The following TSHZ3 variants were observed in gnomAD, a reference collection of about 807,000 sequenced individuals.
The protein encoded by TSHZ3 is teashirt zinc finger homeobox 3, also known as teashirt homolog 3.
A neutral mutation model predicts 64.5 loss-of-function variants in TSHZ3; 10 were observed. The observed-to-expected ratio is 0.16, with a 90% CI of 0.10 to 0.26. The LOEUF is 0.26. Among genes scored for constraint, TSHZ3 ranks in the 10% least tolerant of loss-of-function variants. The pLI, the probability that TSHZ3 is intolerant of heterozygous loss-of-function variation, is 1.00. For synonymous variants in TSHZ3, 608 were observed against 593.1 expected, an observed-to-expected ratio of 1.03 and a Z score of -0.36; for missense variants, 1,242 against 1,421.7, an observed-to-expected ratio of 0.87 and a Z score of 2.03.
At chr19:31,326,913 A>C (rs992492172) in intron 1 of TSHZ3, among the ~76,000 whole-genome samples, 1 of 152,234 alleles carries the variant, frequency 6.6e-6, no homozygotes. Context: ...CCAGTGTGCC[A>C]GTGTGCACAG....
chr19:31,236,424 C>T (rs1351473792), intron 3 of TSHZ3, among the ~76,000 whole-genome samples: 1 of 152,056 alleles, frequency 6.6e-6, no homozygotes, highest in African/African-American at 2.4e-5. Flanking sequence ...ACCTGTTGGC[C>T]CTTTGTATGT....
chr19:31,183,594 G>A (rs988886846), intron 5 of TSHZ3, among the ~76,000 whole-genome samples: 3 of 152,154 alleles, frequency 2.0e-5, no homozygotes, highest in Non-Finnish European at 2.9e-5. Context: ...AAGCAGGTTG[G>A]GAACCAGGTG....
At chr19:31,332,584 C>G (rs1917126626) in intron 1 of TSHZ3, among the ~76,000 whole-genome samples, 1 of 152,110 alleles carries the variant, frequency 6.6e-6, no homozygotes, top group African/African-American at 2.4e-5. Context: ...GGGCCATCAC[C>G]CATCCCTACT....
intron 1 of TSHZ3, among the ~76,000 whole-genome samples, chr19:31,259,126 G>A (rs988273192): frequency 6.6e-6 from 1 of 152,156 alleles, no homozygotes; most frequent in African/African-American, 2.4e-5. Flanking sequence ...GCAGTAAAGT[G>A]GTGTTATAAA....
At chr19:31,175,881 G>T (rs537857796) in intron 5 of TSHZ3, among the ~76,000 whole-genome samples, 19 of 152,362 alleles carry the variant, frequency 1.2e-4, no homozygotes, top group African/African-American at 4.6e-4. Context: ...CCGCATCTCT[G>T]CCCAGTACTT....
At chr19:31,297,425 T>TG (rs1488430376) in intron 1 of TSHZ3, among the ~76,000 whole-genome samples, 1 of 151,790 alleles carries the variant, frequency 6.6e-6, no homozygotes, top group Non-Finnish European at 1.5e-5. Flanking sequence ...CCTGTCTCTT[T>TG]TTTTTGCCCA....
intron 1 of TSHZ3, among the ~76,000 whole-genome samples, chr19:31,328,278 G>T (rs1916983860): frequency 1.3e-5 from 2 of 152,252 alleles, no homozygotes; most frequent in South Asian, 4.1e-4. Flanking sequence ...GTCCACCTGA[G>T]GGGAAGACCA....
At chr19:31,330,842 G>A (rs1232639907) in intron 1 of TSHZ3, among the ~76,000 whole-genome samples, 5 of 152,052 alleles carry the variant, frequency 3.3e-5, no homozygotes, top group Non-Finnish European at 5.9e-5. Flanking sequence ...CAGCTCTACC[G>A]AGAGAAGGTG....
chr19:31,234,361 T>C (rs1376417035), intron 3 of TSHZ3, among the ~76,000 whole-genome samples: 1 of 152,196 alleles, frequency 6.6e-6, no homozygotes, highest in Non-Finnish European at 1.5e-5. Context: ...CTTTTTAAAT[T>C]CGTTTGTTTA....
At chr19:31,332,174 C>T (rs1043196809) in intron 1 of TSHZ3, among the ~76,000 whole-genome samples, 9 of 152,104 alleles carry the variant, frequency 5.9e-5, no homozygotes, top group East Asian at 1.9e-4. Flanking sequence ...GGTGTGTTCC[C>T]GGCCTCCTGA....
At chr19:31,203,194 G>A (rs1033070099) in intron 5 of TSHZ3, among the ~76,000 whole-genome samples, 1 of 152,138 alleles carries the variant, frequency 6.6e-6, no homozygotes, top group Non-Finnish European at 1.5e-5. Flanking sequence ...ACTAGCTGGT[G>A]GAAGGGCATT....
At chr19:31,324,753 C>T (rs1916883758) in intron 1 of TSHZ3, among the ~76,000 whole-genome samples, 1 of 152,226 alleles carries the variant, frequency 6.6e-6, no homozygotes, top group Non-Finnish European at 1.5e-5. Flanking sequence ...ATTATGTAGG[C>T]CAAGTCCAGA....
At chr19:31,347,039 G>A (rs749562163) in intron 1 of TSHZ3, among the ~76,000 whole-genome samples, 3 of 152,054 alleles carry the variant, frequency 2.0e-5, no homozygotes, top group Non-Finnish European at 4.4e-5. Context: ...TGTCAGGAGA[G>A]AGACAATTAA....
intron 5 of TSHZ3, among the ~76,000 whole-genome samples, chr19:31,195,004 C>T (rs1884091489): frequency 6.6e-6 from 1 of 151,686 alleles, no homozygotes; most frequent in African/African-American, 2.4e-5. Flanking sequence ...CTCTGAGCTT[C>T]AAAGGTATCT....
rs775501153 is a variant in TSHZ3, at chr19:31,195,649, C to T, written n.809+9307G>A. On this transcript the variant is annotated intron_variant and non_coding_transcript_variant, in intron 5 of 6. Transcript: ENST00000651361. ...TAGAGAGCAGGGAAATTCTATAGGT[C>T]AGACACTTGGATCTACATAAAAAAA... 3 of 151,850 alleles carry T rather than the reference C, an allele frequency of 2.0e-5. No individual in the cohort carries two copies. The East Asian group carries it at 5.8e-4, about 29-fold the overall frequency. The allele number at this position is 151,850 out of a possible 1,614,324, so 9.4% of individuals were successfully genotyped here.
rs186536096 is a variant in TSHZ3, at chr19:31,320,249, C to T, written c.40+28931G>A. Reference sequence around the variant, plus strand: ...GTAAATATGACCCTGGACATGAATGCGTGACCCCCAAGCAATACTAGGCTC... The same window carrying T: ...GTAAATATGACCCTGGACATGAATGTGTGACCCCCAAGCAATACTAGGCTC... On this transcript the variant is annotated intron_variant, in intron 1 of 1. Transcript: ENST00000240587. Among the ~76,000 whole-genome samples, 7 of 152,208 alleles carry T rather than the reference C, an allele frequency of 4.6e-5. No individual in the cohort carries two copies. In the East Asian group the frequency reaches 5.8e-4, roughly 13 times the overall value.
Position 31,267,340 on chromosome 19 carries a change from C to T in TSHZ3, n.64-24465G>A, listed in dbSNP as rs182419054. 6.6e-5 allele frequency among the ~76,000 whole-genome samples: 10 copies of T among 152,176 alleles called. No individual in the cohort carries two copies. The East Asian group carries it at 1.9e-3, about 30-fold the overall frequency. On this transcript the variant is annotated intron_variant and non_coding_transcript_variant, in intron 1 of 6. Coordinates refer to the TSHZ3 transcript ENST00000651361. ...TCACATGTCTTGGGGGAAAGCTCCT[C>T]AGACCCTCTCTCAGAACAAAACCAT... is the stretch of plus-strand genomic sequence containing the variant.
chr19:31,324,556 G>T (rs1916878145), intron 1 of TSHZ3, among the ~76,000 whole-genome samples: 1 of 152,248 alleles, frequency 6.6e-6, no homozygotes, highest in Non-Finnish European at 1.5e-5. Flanking sequence ...CGTGAAGCCT[G>T]AATGGGAAGT....
At chr19:31,345,007 G>C (rs1917542961) in intron 1 of TSHZ3, among the ~76,000 whole-genome samples, 1 of 152,186 alleles carries the variant, frequency 6.6e-6, no homozygotes, top group Non-Finnish European at 1.5e-5. Context: ...GCCCTGGAGA[G>C]CACTGAAGCC....
Sources: allele counts gnomAD v4.1 joint callset (sites outside exome capture counted in the v4.1 genomes callset), GRCh38; gene constraint gnomAD v4.1.1; transcripts MANE v1.5; gene names NCBI Gene and HGNC (gene_info 2026-07-23, HGNC 2026-07-21).